Variants in FMN1 observed in about 807,000 individuals in gnomAD.
The protein encoded by FMN1 is formin-1.
FMN1 carries 110 observed loss-of-function variants against 132.4 expected under a neutral mutation model. The observed-to-expected ratio is 0.83, with a 90% CI of 0.71 to 0.97. The LOEUF (loss-of-function observed/expected upper bound fraction) is 0.97, where lower values mean the gene tolerates loss of function less well. FMN1 is among the 50% of genes least tolerant of loss of function. The pLI, the probability that FMN1 is intolerant of heterozygous loss-of-function variation, is 0.00. For missense variants in FMN1, 1,792 were observed against 1,705.3 expected, an observed-to-expected ratio of 1.05 and a Z score of -0.90; for synonymous variants, 722 against 651.7, an observed-to-expected ratio of 1.11 and a Z score of -1.64.
chr15:32,837,888 C>A (rs1260606364), intron 17 of FMN1, among the ~76,000 whole-genome samples: 1 of 152,166 alleles, frequency 6.6e-6, no homozygotes, highest in Non-Finnish European at 1.5e-5. Context: ...AACAGATGCC[C>A]ATCCTAGGGC....
At chr15:32,946,185 G>A (rs996003813) in intron 9 of FMN1, among the ~76,000 whole-genome samples, 15 of 152,088 alleles carry the variant, frequency 9.9e-5, no homozygotes, top group Admixed American at 2.6e-4. Flanking sequence ...CATTTCCCCC[G>A]TAATTAGTCT....
chr15:32,915,958 T>C (rs898399780), intron 10 of FMN1, among the ~76,000 whole-genome samples: 1 of 152,210 alleles, frequency 6.6e-6, no homozygotes, highest in Non-Finnish European at 1.5e-5. Flanking sequence ...CTTGGTCAAG[T>C]CTGGTTTCTG....
chr15:33,115,491 GCCCC>G lies in FMN1; in HGVS notation c.1868-26521_1868-26518del, dbSNP rs11289173. Reference sequence around the variant, plus strand: ...TAAGGAAACTGGATTTCATCCTTAAGCCCCCCCCCCCCACACACACACGCACACA... The same window carrying G: ...TAAGGAAACTGGATTTCATCCTTAAGCCCCCCCCACACACACACGCACACA... On this transcript the variant is annotated intron_variant, in intron 4 of 20. Transcript: ENST00000616417. Among the ~76,000 whole-genome samples, 166 of 136,062 alleles carry G rather than the reference GCCCC, an allele frequency of 1.2e-3. 1 individual carries two copies. The highest frequency in any genetic ancestry group is 4.2e-3 in the African/African-American group (152 of 35,784). The allele number at this position is 136,062 out of a possible 152,430, so 89.3% of individuals were successfully genotyped here. A position where few individuals can be genotyped will look rare whatever the true frequency, so the allele number is the denominator to read the frequency against.
chr15:33,094,395 CA>C (rs2039005577), intron 4 of FMN1, among the ~76,000 whole-genome samples: 1 of 152,174 alleles, frequency 6.6e-6, no homozygotes, highest in Non-Finnish European at 1.5e-5. Flanking sequence ...TCCAACATCA[CA>C]CAGTCATGTG....
chr15:33,176,021 T>C (rs1965500875), intron 3 of FMN1, among the ~76,000 whole-genome samples: 2 of 152,174 alleles, frequency 1.3e-5, no homozygotes, highest in Admixed American at 1.3e-4. Flanking sequence ...GAAGAAAGTT[T>C]GAGAGAAATA....
chr15:32,900,082 A>T lies in FMN1; in HGVS notation c.3551T>A (p.Ile1184Asn), dbSNP rs1164846617. 1 of 1,613,904 alleles carries T rather than the reference A, an allele frequency of 6.2e-7. No individual in the cohort carries two copies. Among genetic ancestry groups the T allele is most frequent in the Admixed American group, 1.7e-5 (1 of 60,024 alleles). Residue 1184 changes from isoleucine to asparagine, a missense_variant, in exon 14 of 21, where the codon ATC becomes AAC. By Grantham distance (149) the Ile-to-Asn change is moderately radical (BLOSUM62 -3). Coordinates refer to ENST00000616417, the MANE Select transcript of FMN1 (RefSeq NM_001277313.2). Reference protein sequence around the residue: ...VKSVKDILALILAFGNYMNGG... With the variant: ...VKSVKDILALNLAFGNYMNGG... Reference sequence around the variant, plus strand: ...ATTCATATAATTTCCAAAAGCCAAGATGAGAGCTAAAATATCCTTCACGCT... The same window carrying T: ...ATTCATATAATTTCCAAAAGCCAAGTTGAGAGCTAAAATATCCTTCACGCT...
At chr15:33,112,229 ATAAT>A (rs1316599745) in intron 4 of FMN1, among the ~76,000 whole-genome samples, 25 of 152,292 alleles carry the variant, frequency 1.6e-4, no homozygotes, top group Non-Finnish European at 3.4e-4. Context: ...TTATAAAGGT[ATAAT>A]TAAAGAGATG....
chr15:33,152,793 A>AAAG (rs1401612435), intron 4 of FMN1, among the ~76,000 whole-genome samples: 1 of 150,590 alleles, frequency 6.6e-6, no homozygotes, highest in African/African-American at 2.4e-5. Flanking sequence ...GATGCCAAAA[A>AAAG]AAAAAAAAAA....
At chr15:32,924,816 A>T (rs2060917269) in intron 10 of FMN1, among the ~76,000 whole-genome samples, 2 of 152,212 alleles carry the variant, frequency 1.3e-5, no homozygotes, top group Non-Finnish European at 2.9e-5. Context: ...TGGGAGGCTG[A>T]GGCAGGAGAA....
chr15:33,051,473 G>A (rs1045708212), intron 6 of FMN1, among the ~76,000 whole-genome samples: 10 of 139,314 alleles, frequency 7.2e-5, no homozygotes, highest in Non-Finnish European at 1.4e-4. Context: ...GCAACCATCA[G>A]GTGATAGGTG....
At chr15:32,964,544 C>T (rs974847401) in intron 8 of FMN1, among the ~76,000 whole-genome samples, 1 of 152,156 alleles carries the variant, frequency 6.6e-6, no homozygotes, top group African/African-American at 2.4e-5. Flanking sequence ...TCCTGGGATT[C>T]GGATTCCTGG....
intron 7 of FMN1, among the ~76,000 whole-genome samples, chr15:32,988,057 T>C (rs889013475): frequency 2.0e-5 from 3 of 150,232 alleles, no homozygotes; most frequent in African/African-American, 7.3e-5. Flanking sequence ...CAGTTTTTTT[T>C]TTTTTTTTTT....
At chr15:33,026,359 G>A (rs1043726342) in intron 6 of FMN1, among the ~76,000 whole-genome samples, 1 of 142,542 alleles carries the variant, frequency 7.0e-6, no homozygotes, top group Non-Finnish European at 1.5e-5. Flanking sequence ...CTATTTGTTT[G>A]AAATTATTCA....
intron 7 of FMN1, among the ~76,000 whole-genome samples, chr15:33,006,458 G>C (rs1449714325): frequency 7.9e-5 from 12 of 152,234 alleles, no homozygotes; most frequent in Non-Finnish European, 7.4e-5. Flanking sequence ...ATGTAAACTA[G>C]TTTGTAGAAA....
chr15:33,137,187 G>A lies in FMN1; in HGVS notation c.1867+15861C>T, dbSNP rs542348334. ...ATAACAATGTATGTAAAAGTTCTGG[G>A]TAAGCAATGAAGTGTGTACCCACAG... On this transcript the variant is annotated intron_variant, in intron 4 of 20. Coordinates refer to ENST00000616417, the MANE Select transcript of FMN1 (RefSeq NM_001277313.2). 1.9e-3 allele frequency among the ~76,000 whole-genome samples: 295 copies of A among 151,704 alleles called. 1 individual carries two copies. Among genetic ancestry groups the A allele is most frequent in the African/African-American group, 7.0e-3 (289 of 41,428 alleles).
At chr15:32,859,454 G>A (rs2059213997) in intron 16 of FMN1, among the ~76,000 whole-genome samples, 2 of 152,112 alleles carry the variant, frequency 1.3e-5, no homozygotes, top group African/African-American at 2.4e-5. Context: ...TCATTCATGT[G>A]GTTCTCTGCT....
intron 7 of FMN1, among the ~76,000 whole-genome samples, chr15:32,988,179 C>T (rs933409734): frequency 6.6e-6 from 1 of 151,358 alleles, no homozygotes; most frequent in African/African-American, 2.4e-5. Flanking sequence ...GACACTGACC[C>T]ATAGCTCACA....
intron 11 of FMN1, 42 bp from the exon 12 acceptor site, chr15:32,908,620 A>G: frequency 1.7e-6 from 2 of 1,192,666 alleles, no homozygotes; most frequent in African/African-American, 1.6e-5. Flanking sequence ...AAAAAAAAAA[A>G]AAAGGGAAGT....
At chr15:33,033,135 A>T (rs1237039122) in intron 6 of FMN1, among the ~76,000 whole-genome samples, 1 of 151,954 alleles carries the variant, frequency 6.6e-6, no homozygotes, top group Non-Finnish European at 1.5e-5. Context: ...GGTTCACGCC[A>T]TTCTCCTGCC....
Sources: gnomAD v4.1 joint callset for allele counts (sites outside exome capture counted in the v4.1 genomes callset) on GRCh38, gnomAD v4.1.1 for gene constraint, MANE v1.5 for transcripts, NCBI Gene and HGNC (gene_info 2026-07-23, HGNC 2026-07-21) for gene names.